Variants in CDH23 observed in about 807,000 individuals in gnomAD.
CDH23 encodes the protein cadherin-23.
In CDH23, 189 loss-of-function variants were observed where a neutral mutation model predicts 317.1. That is an observed-to-expected ratio of 0.60 (90% CI 0.53 to 0.67). CDH23 has a LOEUF of 0.67. CDH23 is among the 30% of genes least tolerant of loss of function. The pLI, the probability that CDH23 is intolerant of heterozygous loss-of-function variation, is 0.00. For synonymous variants in CDH23, 1,839 were observed against 1,876.8 expected (o/e 0.98, Z 0.52); for missense variants, 4,401 against 4,592.4 (o/e 0.96, Z 1.20).
At chr10:71,785,121 A>C (rs770695635) in intron 43 of CDH23, 21 bp downstream of exon 43, 25 of 1,594,446 alleles carry the variant, frequency 1.6e-5, no homozygotes, top group Non-Finnish European at 2.1e-5. Context: ...GACTGACCCC[A>C]GGGAGCTTCC....
intron 14 of CDH23, chr10:71,647,044 G>A: frequency 1.0e-6 from 1 of 985,436 alleles, no homozygotes; most frequent in Non-Finnish European, 1.2e-6. Flanking sequence ...GCCCATGGCT[G>A]GACTTGCCCT....
At chr10:71,569,011 T>G (rs538641534) in intron 7 of CDH23, among the ~76,000 whole-genome samples, 2 of 152,224 alleles carry the variant, frequency 1.3e-5, no homozygotes, top group African/African-American at 4.8e-5. Context: ...TGGCATCCCC[T>G]GTCCAAGAGG....
intron 1 of CDH23, among the ~76,000 whole-genome samples, chr10:71,418,108 A>G (rs1193676111): frequency 6.6e-6 from 1 of 152,180 alleles, no homozygotes; most frequent in Non-Finnish European, 1.5e-5. Context: ...TGTCTTGAAC[A>G]TATTAATCAC....
At chr10:71,806,337 C>A in intron 57 of CDH23, 56 bp downstream of exon 57, 1 of 1,175,572 alleles carries the variant, frequency 8.5e-7, no homozygotes, top group Non-Finnish European at 1.2e-6. Flanking sequence ...CACCTGCCTG[C>A]AAGCACACAC....
intron 6 of CDH23, among the ~76,000 whole-genome samples, chr10:71,540,752 C>T (rs1399328593): frequency 6.6e-6 from 1 of 152,118 alleles, no homozygotes; most frequent in African/African-American, 2.4e-5. Context: ...GCCCAGGTGA[C>T]TTCCTGTCCC....
intron 14 of CDH23, among the ~76,000 whole-genome samples, chr10:71,667,359 A>AGAGAGAGAGAGG (rs58361666): frequency 8.9e-6 from 1 of 112,080 alleles, no homozygotes; most frequent in Admixed American, 8.7e-5. Context: ...AGAGAGAGAG[A>AGAGAGAGAGAGG]GTGTGTGTGT....
chr10:71,414,010 G>A (rs1440145093), intron 1 of CDH23, among the ~76,000 whole-genome samples: 2 of 148,894 alleles, frequency 1.3e-5, no homozygotes, highest in African/African-American at 2.5e-5. Context: ...TTGATTTTTT[G>A]TACTGCAATT....
intron 9 of CDH23, among the ~76,000 whole-genome samples, chr10:71,612,337 G>A (rs868319727): frequency 2.6e-5 from 4 of 151,946 alleles, no homozygotes; most frequent in African/African-American, 9.7e-5. Flanking sequence ...TGCCTAGGTC[G>A]GGGCATGGGG....
intron 9 of CDH23, among the ~76,000 whole-genome samples, chr10:71,580,945 G>A (rs1858585767): frequency 6.6e-6 from 1 of 152,148 alleles, no homozygotes; most frequent in Admixed American, 6.5e-5. Flanking sequence ...ATGGGCAGGA[G>A]GGCACTGTCC....
intron 68 of CDH23, 37 bp downstream of exon 68, chr10:71,812,927 G>C: frequency 6.2e-7 from 1 of 1,607,768 alleles, no homozygotes; most frequent in South Asian, 1.1e-5. Context: ...CCAGTCCCTT[G>C]GCTGAGGTTG....
chr10:71,801,138 G>GTCTC (rs200089490), intron 53 of CDH23, among the ~76,000 whole-genome samples: 2 of 137,118 alleles, frequency 1.5e-5, no homozygotes, highest in African/African-American at 5.6e-5. Context: ...CTTTATTTAT[G>GTCTC]TCTCTCTCTC....
chr10:71,453,661 G>T (rs974247878), intron 3 of CDH23, among the ~76,000 whole-genome samples: 1 of 152,234 alleles, frequency 6.6e-6, no homozygotes, highest in Non-Finnish European at 1.5e-5. Flanking sequence ...CATCTCTTGG[G>T]AGAGGGTGGA....
At chr10:71,695,624 T>A in intron 22 of CDH23, 99 bp downstream of exon 22, 1 of 796,956 alleles carries the variant, frequency 1.3e-6, no homozygotes, top group East Asian at 2.6e-5. Flanking sequence ...ATGGGGCTGG[T>A]GGACTCTGTG....
chr10:71,446,032 T>C (rs1308353738), intron 2 of CDH23, among the ~76,000 whole-genome samples: 1 of 152,236 alleles, frequency 6.6e-6, no homozygotes, highest in Non-Finnish European at 1.5e-5. Flanking sequence ...TCCTGTCTTT[T>C]GCCTGAGGAG....
intron 27 of CDH23, 111 bp from the exon 28 acceptor site, chr10:71,712,553 TG>T: frequency 1.6e-6 from 2 of 1,239,556 alleles, no homozygotes; most frequent in Non-Finnish European, 2.3e-6. Context: ...CTAGGGCAGA[TG>T]GGGCGGAACA....
chr10:71,641,009 G>A (rs950520875), intron 11 of CDH23, among the ~76,000 whole-genome samples: 1 of 152,126 alleles, frequency 6.6e-6, no homozygotes, highest in African/African-American at 2.4e-5. Context: ...CCCTCCCTCA[G>A]TCTGGTCTCC....
At chr10:71,730,725 A>C in intron 31 of CDH23, 121 bp downstream of exon 31, 1 of 1,401,306 alleles carries the variant, frequency 7.1e-7, no homozygotes, top group African/African-American at 1.4e-5. Flanking sequence ...AGCCATGTCT[A>C]GGCCAGGGAG....
intron 6 of CDH23, among the ~76,000 whole-genome samples, chr10:71,527,122 G>A (rs532373751): frequency 1.2e-4 from 18 of 152,306 alleles, no homozygotes; most frequent in African/African-American, 4.3e-4. Context: ...CTAGGTCAGC[G>A]TAGGACAGAG....
Position 71,682,547 on chromosome 10 carries a change from C to T in CDH23, c.1961C>T (p.Thr654Ile). ...GCTGGCAACCCCCCTCTCAACAGCA[C>T]CGTCCCTGTCACCATCGAGGTGTTT... Reference protein sequence around the residue: ...MDAGNPPLNSTVPVTIEVFDE... With the variant: ...MDAGNPPLNSIVPVTIEVFDE... The change falls in exon 18 of 70, where the codon ACC becomes ATC. Residue 654 changes from threonine (T) to isoleucine (I), a missense_variant. Transcript: ENST00000224721. 1.2e-6 allele frequency: 2 copies of T among 1,613,620 alleles called. No individual in the cohort carries two copies. The highest frequency in any genetic ancestry group is 2.2e-5 in the South Asian group (2 of 90,922).
Sources: gnomAD v4.1 joint callset for allele counts (sites outside exome capture counted in the v4.1 genomes callset) on GRCh38, gnomAD v4.1.1 for gene constraint, MANE v1.5 for transcripts, NCBI Gene and HGNC (gene_info 2026-07-23, HGNC 2026-07-21) for gene names.